The following SLC26A7 variants were observed in gnomAD, a reference collection of about 807,000 sequenced individuals.
SLC26A7 encodes anion exchange transporter.
SLC26A7 carries 59 observed loss-of-function variants against 82.5 expected under a neutral mutation model. The ratio of observed to expected loss-of-function variants is 0.72; its 90% confidence interval spans 0.58 to 0.89. The LOEUF (loss-of-function observed/expected upper bound fraction) is 0.89, where lower values mean the gene tolerates loss of function less well. Ranked by LOEUF, SLC26A7 falls within the 40% of genes least tolerant of loss-of-function variation. The probability of loss-of-function intolerance (pLI) is 0.00; values close to 1 mark genes in which losing one functional copy is unlikely to be tolerated. For missense variants in SLC26A7, 820 were observed against 793.0 expected (o/e 1.03, Z -0.41); for synonymous variants, 271 against 274.3 (o/e 0.99, Z 0.12).
At chr8:91,334,111 A>G (rs1398780627) in intron 5 of SLC26A7, among the ~76,000 whole-genome samples, 184 bp from the exon 6 acceptor site, 1 of 152,180 alleles carries the variant, frequency 6.6e-6, no homozygotes, top group Non-Finnish European at 1.5e-5. Flanking sequence ...AAGGGTACAG[A>G]AATTTTGTAG....
At position 91,249,564 on chromosome 8, in the gene SLC26A7, A is replaced by G; in HGVS notation, c.-88A>G. The stretch of plus-strand genomic sequence containing the variant: ...CTTTGACATTGTAAACCACAGACGA[A>G]TTGGAGCTTGGCATTGAAAGGAGGT... On this transcript the variant is annotated 5_prime_UTR_variant, in exon 2 of 19. Coordinates refer to ENST00000276609, the MANE Select transcript of SLC26A7 (RefSeq NM_052832.4). 1 of 1,084,326 alleles carries G rather than the reference A, an allele frequency of 9.2e-7. No individual in the cohort carries two copies. The highest frequency in any genetic ancestry group is 2.4e-5 in the South Asian group (1 of 41,548). The allele number at this position is 1,084,326 out of a possible 1,614,324, so 67.2% of individuals were successfully genotyped here. A position where few individuals can be genotyped will look rare whatever the true frequency, so the allele number is the denominator to read the frequency against.
At chr8:91,358,731 C>T (rs1264054440) in intron 11 of SLC26A7, among the ~76,000 whole-genome samples, 1 of 152,176 alleles carries the variant, frequency 6.6e-6, no homozygotes, top group Non-Finnish European at 1.5e-5. Context: ...CACATACACA[C>T]CATGGAATAC....
rs1424919401 is a variant in SLC26A7 at position 91,346,216 on chromosome 8, A to AT, written c.1140+2752dup. 5.9e-5 allele frequency among the ~76,000 whole-genome samples: 9 copies of AT among 152,128 alleles called. No individual in the cohort carries two copies. The East Asian group carries it at 1.7e-3, about 29-fold the overall frequency. ...GTCACTAATCTTTTCAACAACTTCC[A>AT]TTAAATTGCACAGGGAAAGAATCTA... On this transcript the variant is annotated intron_variant, in intron 9 of 18. Coordinates refer to ENST00000276609, the MANE Select transcript of SLC26A7 (RefSeq NM_052832.4).
At chr8:91,301,801 TA>T (rs201964826) in intron 4 of SLC26A7, among the ~76,000 whole-genome samples, 8,276 of 146,476 alleles carry the variant, frequency 0.057, 267 homozygotes, top group African/African-American at 0.079. Context: ...ATTTACTTGT[TA>T]TTTTTTTTTC....
intron 16 of SLC26A7, among the ~76,000 whole-genome samples, chr8:91,391,750 T>TA (rs1563716506): frequency 6.6e-6 from 1 of 152,106 alleles, no homozygotes; most frequent in East Asian, 1.9e-4. Context: ...TAAACACCCA[T>TA]AGGTGATTCT....
intron 1 of SLC26A7, among the ~76,000 whole-genome samples, chr8:91,217,782 TTTGCTGA>T (rs1485920447): frequency 6.6e-6 from 1 of 152,126 alleles, no homozygotes; most frequent in East Asian, 1.9e-4. Flanking sequence ...TCAGAACCTG[TTTGCTGA>T]TTGATGAATT....
chr8:91,263,628 A>C (rs1811029662), intron 2 of SLC26A7, among the ~76,000 whole-genome samples: 1 of 151,934 alleles, frequency 6.6e-6, no homozygotes. Context: ...CTTTGCCTGG[A>C]ATATTCTCTT....
At chr8:91,303,092 G>A (rs1440877065) in intron 4 of SLC26A7, among the ~76,000 whole-genome samples, 1 of 152,020 alleles carries the variant, frequency 6.6e-6, no homozygotes, top group African/African-American at 2.4e-5. Context: ...CTTTACACAA[G>A]GAAAAGACAA....
intron 3 of SLC26A7, among the ~76,000 whole-genome samples, chr8:91,289,505 C>T (rs1438733275): frequency 6.6e-6 from 1 of 152,038 alleles, no homozygotes; most frequent in Non-Finnish European, 1.5e-5. Flanking sequence ...GGAGATGGGG[C>T]GTGGTAGTAC....
rs1810790529 is a variant in SLC26A7, at chr8:91,255,974, A to C, written c.193+6130A>C. On this transcript the variant is annotated intron_variant, in intron 2 of 18. Transcript: ENST00000276609. ...CATCCCTGCTCTTTTCAGTAACTGT[A>C]TCTCAGATTAGTTTGGGTGAATAAC... 2.0e-5 allele frequency among the ~76,000 whole-genome samples: 3 copies of C among 152,094 alleles called. No homozygotes were observed. In the South Asian group the frequency reaches 6.2e-4, roughly 32 times the overall value.
At chr8:91,261,382 T>C (rs565656859) in intron 2 of SLC26A7, among the ~76,000 whole-genome samples, 1 of 152,222 alleles carries the variant, frequency 6.6e-6, no homozygotes, top group South Asian at 2.1e-4. Context: ...TATATCATTC[T>C]GGTGTGGGTA....
chr8:91,359,876 A>ATGTGTGTG (rs33943189), intron 11 of SLC26A7, among the ~76,000 whole-genome samples: 1,735 of 139,382 alleles, frequency 0.012, 30 homozygotes, highest in African/African-American at 0.041. Context: ...TATCCAAGAT[A>ATGTGTGTG]TGTGTGTGTG....
Position 91,334,381 on chromosome 8 carries a change from T to C in SLC26A7, c.729T>C (p.Leu243=), listed in dbSNP as rs1312801166. Residue 243 remains leucine, a synonymous_variant, in exon 6 of 19, where the codon CTT becomes CTC. Coordinates refer to ENST00000276609, the MANE Select transcript of SLC26A7 (RefSeq NM_052832.4). ...LSLLSIVVLV[L]VKELNEQFKR... ...TGCTGAGCATTGTGGTCCTTGTTCT[T>C]GTTAAAGAGCTGAATGAACAGTTTA... The C allele has an allele frequency of 6.2e-7, 1 of 1,613,548 alleles. No individual in the cohort carries two copies. Among genetic ancestry groups the C allele is most frequent in the South Asian group, 1.1e-5 (1 of 91,052 alleles).
chr8:91,394,563 T>G, intron 18 of SLC26A7: 1 of 1,220,526 alleles, frequency 8.2e-7, no homozygotes, highest in Non-Finnish European at 1.0e-6. Context: ...TTTAATTTCC[T>G]GCAATTTTTC....
Position 91,395,169 on chromosome 8 carries a change from A to G in SLC26A7, c.*72A>G, listed in dbSNP as rs1019906901. ...GAGGCCATATGCTGGCATTTTGCAC[A>G]ACTTTTTGGTTGTTTAGATCCTACA... On this transcript the variant is annotated 3_prime_UTR_variant, in exon 19 of 19. Coordinates refer to ENST00000276609, the MANE Select transcript of SLC26A7 (RefSeq NM_052832.4). The G allele has an allele frequency of 7.5e-6, 12 of 1,605,628 alleles. No homozygotes were observed. The highest frequency in any genetic ancestry group is 2.6e-6 in the Non-Finnish European group (3 of 1,176,416).
At chr8:91,258,016 A>C (rs1810853652) in intron 2 of SLC26A7, among the ~76,000 whole-genome samples, 1 of 151,986 alleles carries the variant, frequency 6.6e-6, no homozygotes, top group Non-Finnish European at 1.5e-5. Context: ...AAACCATAAG[A>C]TCTCATGAGA....
intron 4 of SLC26A7, among the ~76,000 whole-genome samples, chr8:91,307,542 C>T (rs945743237): frequency 3.4e-5 from 5 of 145,058 alleles, no homozygotes; most frequent in Non-Finnish European, 6.0e-5. Context: ...AGTAAACTAT[C>T]GCAAGAACAA....
chr8:91,326,290 G>C (rs1316020670), intron 5 of SLC26A7, among the ~76,000 whole-genome samples: 1 of 152,174 alleles, frequency 6.6e-6, no homozygotes, highest in Non-Finnish European at 1.5e-5. Context: ...AACTATCACA[G>C]ACGAGGTGGC....
At chr8:91,280,866 A>G (rs1263729525) in intron 2 of SLC26A7, among the ~76,000 whole-genome samples, 1 of 152,196 alleles carries the variant, frequency 6.6e-6, no homozygotes, top group Non-Finnish European at 1.5e-5. Context: ...TTTTTAAAAT[A>G]TGTATGTGTA....
Sources: gnomAD v4.1 joint callset for allele counts (sites outside exome capture counted in the v4.1 genomes callset) on GRCh38, gnomAD v4.1.1 for gene constraint, MANE v1.5 for transcripts, NCBI Gene and HGNC (gene_info 2026-07-23, HGNC 2026-07-21) for gene names.